TBC1D30: variants seen among roughly 807,000 people sequenced by gnomAD.
TBC1D30 encodes TBC1 domain family, member 30.
A neutral mutation model predicts 63.2 loss-of-function variants in TBC1D30; 31 were observed. The observed-to-expected ratio is 0.49, with a 90% confidence interval of 0.37 to 0.66. The LOEUF (loss-of-function observed/expected upper bound fraction) is 0.66, where lower values mean the gene tolerates loss of function less well. Among genes scored for constraint, TBC1D30 ranks in the 30% least tolerant of loss-of-function variants. TBC1D30 has a pLI of 0.00. For synonymous variants in TBC1D30, 307 were observed against 361.5 expected (o/e 0.85, Z 1.71); for missense variants, 810 against 953.6 (o/e 0.85, Z 1.98).
intron 1 of TBC1D30, among the ~76,000 whole-genome samples, chr12:64,767,474 G>T (rs1870753068): frequency 6.6e-6 from 1 of 152,064 alleles, no homozygotes; most frequent in Non-Finnish European, 1.5e-5. Flanking sequence ...TAAATTTTAA[G>T]CAGCCACCGA....
chr12:64,875,351 A>C lies in TBC1D30; in HGVS notation c.1849A>C (p.Thr617Pro). 4.6e-6 allele frequency: 7 copies of C among 1,536,230 alleles called. No homozygotes were observed. Among genetic ancestry groups the C allele is most frequent in the Non-Finnish European group, 6.1e-6 (7 of 1,146,920 alleles). Residue 617 changes from threonine (T) to proline (P), a missense_variant, in exon 12 of 12, where the codon ACA becomes CCA. By Grantham distance (38) the Thr-to-Pro change is conservative (BLOSUM62 -1). Coordinates refer to ENST00000539867, the MANE Select transcript of TBC1D30 (RefSeq NM_015279.2). ...AEAFPSGCTA[T>P]AGREGSSPEG... ...GGCATTCCCCTCTGGTTGTACAGCG[A>C]CAGCTGGGAGAGAAGGCAGCAGCCC... is the stretch of plus-strand genomic sequence containing the variant.
chr12:64,861,396 T>A (rs1460578929), intron 8 of TBC1D30, among the ~76,000 whole-genome samples: 1 of 152,212 alleles, frequency 6.6e-6, no homozygotes, highest in Non-Finnish European at 1.5e-5. Context: ...CTATATTCAT[T>A]CATTTTTTTT....
At chr12:64,862,874 T>C (rs1234758228) in intron 8 of TBC1D30, among the ~76,000 whole-genome samples, 1 of 152,218 alleles carries the variant, frequency 6.6e-6, no homozygotes, top group African/African-American at 2.4e-5. Context: ...TGATATGTGA[T>C]GGTCAGATAG....
At chr12:64,863,027 A>G (rs1877924869) in intron 8 of TBC1D30, among the ~76,000 whole-genome samples, 1 of 152,214 alleles carries the variant, frequency 6.6e-6, no homozygotes. Context: ...CAAGCGGGGA[A>G]GAATTCTGCA....
At chr12:64,861,189 G>A (rs145159894) in intron 8 of TBC1D30, among the ~76,000 whole-genome samples, 5 of 152,292 alleles carry the variant, frequency 3.3e-5, no homozygotes, top group Admixed American at 2.6e-4. Context: ...GCCTAATTTT[G>A]TGCAACTCAT....
In TBC1D30 at chr12:64,827,879, C is replaced by A; in HGVS notation, c.199C>A (p.Gln67Lys). The part of the protein sequence containing the change: ...LKFTLEPSLG[Q>K]NGFQQWYDAL... ...ATTCACTCTTGAGCCATCTTTAGGT[C>A]AAAATGGTTTTCAGCAGGTAACTTT... The change falls in exon 2 of 12, where the codon CAA becomes AAA. Residue 67 changes from glutamine to lysine, a missense_variant. By Grantham distance (53) the Gln-to-Lys change is moderately conservative (BLOSUM62 1). This residue lies in a region of TBC1D30 where 272 missense variants were observed against 335.9 expected (regional missense o/e 0.81). Transcript: ENST00000539867. 6.5e-7 allele frequency: 1 copy of A among 1,534,580 alleles called. No homozygotes were observed. The highest frequency in any genetic ancestry group is 1.2e-5 in the South Asian group (1 of 83,656).
chr12:64,845,909 C>T (rs1032784288), intron 8 of TBC1D30, among the ~76,000 whole-genome samples: 7 of 152,128 alleles, frequency 4.6e-5, no homozygotes, highest in Non-Finnish European at 8.8e-5. Context: ...ATCCTCCCGC[C>T]GAGCTTGGCC....
At chr12:64,779,532 C>G (rs1871172563), upstream of TBC1D30, among the ~76,000 whole-genome samples, 2 of 152,158 alleles carry the variant, frequency 1.3e-5, no homozygotes, top group South Asian at 4.1e-4. Context: ...GTGCTGGTGT[C>G]AAGGTACACC....
intron 7 of TBC1D30, among the ~76,000 whole-genome samples, chr12:64,841,607 A>G (rs1381316707): frequency 6.6e-6 from 1 of 151,770 alleles, no homozygotes; most frequent in Admixed American, 6.6e-5. Flanking sequence ...CTCAGCTCTC[A>G]CTGGCTTCCT....
chr12:64,868,574 A>G (rs1450603204), intron 10 of TBC1D30: 2 of 306,766 alleles, frequency 6.5e-6, no homozygotes, highest in African/African-American at 4.5e-5. Context: ...TTGCCTTTTG[A>G]AGCATCTTTT....
intron 2 of TBC1D30, among the ~76,000 whole-genome samples, chr12:64,818,246 A>G (rs1873672095): frequency 6.6e-6 from 1 of 152,144 alleles, no homozygotes; most frequent in Admixed American, 6.5e-5. Flanking sequence ...AGCATACATG[A>G]GCTTTGTCCT....
chr12:64,793,855 A>G (rs768403078), intron 2 of TBC1D30, among the ~76,000 whole-genome samples: 1 of 152,172 alleles, frequency 6.6e-6, no homozygotes, highest in Non-Finnish European at 1.5e-5. Context: ...ATGCACTGCC[A>G]TCCTGGGAGC....
chr12:64,781,397 A>C, intron 1 of TBC1D30: 52 of 977,570 alleles, frequency 5.3e-5, no homozygotes, highest in Non-Finnish European at 6.4e-5. Context: ...GCGCTCAGAT[A>C]CTGTCTCTTT....
upstream of TBC1D30, among the ~76,000 whole-genome samples, chr12:64,820,164 C>CA (rs959513580): frequency 2.0e-5 from 3 of 151,862 alleles, no homozygotes; most frequent in Non-Finnish European, 2.9e-5. Context: ...TACTGTTAAA[C>CA]AAAAAAAATA....
At chr12:64,844,283 C>T (rs1008501199) in intron 8 of TBC1D30, among the ~76,000 whole-genome samples, 7 of 152,056 alleles carry the variant, frequency 4.6e-5, no homozygotes, top group East Asian at 1.9e-4. Context: ...TGTTACTGTA[C>T]GTCAATATCA....
chr12:64,765,431 G>A (rs1870671618), intron 1 of TBC1D30, among the ~76,000 whole-genome samples: 1 of 133,118 alleles, frequency 7.5e-6, no homozygotes, highest in Non-Finnish European at 1.5e-5. Flanking sequence ...GGAGGTTGAA[G>A]TGAGCCGAGA....
At chr12:64,794,068 T>G (rs904348245) in intron 2 of TBC1D30, among the ~76,000 whole-genome samples, 1 of 152,246 alleles carries the variant, frequency 6.6e-6, no homozygotes, top group African/African-American at 2.4e-5. Flanking sequence ...TGATCGACTA[T>G]TCTATACTTG....
rs1014078793 is a variant in TBC1D30, at chr12:64,876,515, G to A, written c.*727G>A. The A allele has an allele frequency of 3.8e-5, 11 of 291,710 alleles. No homozygotes were observed. Among genetic ancestry groups the A allele is most frequent in the East Asian group, 3.2e-4 (4 of 12,574 alleles). 18.1% of individuals were successfully genotyped at this position (291,710 alleles called of 1,614,324 possible). A position where few individuals can be genotyped will look rare whatever the true frequency, so the allele number is the denominator to read the frequency against. Reference sequence around the variant, plus strand: ...CGCAGTTGCTCCGGACAGCTTGCTCGCGCCACTGAGCTTTTCCTGAGGTTT... The same window carrying A: ...CGCAGTTGCTCCGGACAGCTTGCTCACGCCACTGAGCTTTTCCTGAGGTTT... On this transcript the variant is annotated 3_prime_UTR_variant, in exon 12 of 12. Coordinates refer to ENST00000539867, the MANE Select transcript of TBC1D30 (RefSeq NM_015279.2).
chr12:64,840,027 A>C lies in TBC1D30; in HGVS notation c.932+1176A>C, dbSNP rs867091016. 2.0e-3 allele frequency among the ~76,000 whole-genome samples: 298 copies of C among 145,872 alleles called. 6 individuals are homozygous for C. Among genetic ancestry groups the C allele is most frequent in the African/African-American group, 7.5e-3 (287 of 38,496 alleles). On this transcript the variant is annotated intron_variant, in intron 7 of 11. Transcript: ENST00000539867. ...CTCAAAAAAAAAAAAAAAAAAAAAA[A>C]ATCCACCAACTATCAATTCAGGGAC...
Sources: gnomAD v4.1 joint callset for allele counts (sites outside exome capture counted in the v4.1 genomes callset) on GRCh38, gnomAD v4.1.1 for gene constraint, gnomAD v4.1.1 regional missense constraint, MANE v1.5 for transcripts, NCBI Gene and HGNC (gene_info 2026-07-23, HGNC 2026-07-21) for gene names.